Variants in SNTG1 observed in about 807,000 individuals in gnomAD.
The protein encoded by SNTG1 is gamma-1-syntrophin.
Under a neutral mutation model 74.7 loss-of-function variants are expected in SNTG1, and 39 were observed. The observed-to-expected ratio is 0.52, with a 90% CI of 0.40 to 0.68. SNTG1 has a LOEUF of 0.68. Among genes scored for constraint, SNTG1 ranks in the 30% least tolerant of loss-of-function variants. SNTG1 has a pLI of 0.00. For missense variants in SNTG1, 685 were observed against 609.5 expected (o/e 1.12, Z -1.30); for synonymous variants, 254 against 217.1 (o/e 1.17, Z -1.49).
intron 1 of SNTG1, among the ~76,000 whole-genome samples, chr8:50,086,188 G>A (rs1290837788): frequency 1.3e-5 from 2 of 152,198 alleles, no homozygotes; most frequent in Non-Finnish European, 2.9e-5. Flanking sequence ...ACAGAGAGCT[G>A]CATCTGATGT....
chr8:50,375,915 A>G (rs1367220257), intron 2 of SNTG1, among the ~76,000 whole-genome samples: 1 of 152,182 alleles, frequency 6.6e-6, no homozygotes, highest in Non-Finnish European at 1.5e-5. Flanking sequence ...TTTTTAGAGA[A>G]GTGACAAGAA....
At chr8:50,459,636 C>T (rs2093541901) in intron 8 of SNTG1, among the ~76,000 whole-genome samples, 1 of 152,160 alleles carries the variant, frequency 6.6e-6, no homozygotes, top group East Asian at 1.9e-4. Context: ...AGGTAGTGAG[C>T]ATATTACTCA....
intron 15 of SNTG1, among the ~76,000 whole-genome samples, chr8:50,680,864 C>G (rs1033310230): frequency 1.3e-5 from 2 of 152,082 alleles, no homozygotes; most frequent in African/African-American, 2.4e-5. Context: ...AGGTAAGCAG[C>G]CTTCCCATCT....
intron 13 of SNTG1, among the ~76,000 whole-genome samples, chr8:50,607,164 T>C (rs2130963005): frequency 6.6e-6 from 1 of 151,954 alleles, no homozygotes; most frequent in East Asian, 1.9e-4. Flanking sequence ...TTGGAAGTAT[T>C]ATTTAATTTT....
intron 18 of SNTG1, among the ~76,000 whole-genome samples, chr8:50,782,227 AT>A (rs2095661752): frequency 6.6e-6 from 1 of 151,962 alleles, no homozygotes; most frequent in South Asian, 2.1e-4. Context: ...TGTTCTCTGT[AT>A]TTCCTGAATC....
chr8:50,538,212 G>T (rs1477011341), intron 11 of SNTG1, among the ~76,000 whole-genome samples: 8 of 152,054 alleles, frequency 5.3e-5, no homozygotes, highest in Non-Finnish European at 1.2e-4. Flanking sequence ...TGTTTGTAAA[G>T]ATATTACCTT....
At chr8:49,918,065 C>T (rs753368806) in intron 1 of SNTG1, among the ~76,000 whole-genome samples, 3 of 152,114 alleles carry the variant, frequency 2.0e-5, no homozygotes, top group Admixed American at 6.6e-5. Context: ...TTAATAGAAA[C>T]CCTAAACTGA....
At chr8:50,342,770 T>A (rs1372816853) in intron 2 of SNTG1, among the ~76,000 whole-genome samples, 1 of 152,144 alleles carries the variant, frequency 6.6e-6, no homozygotes, top group Non-Finnish European at 1.5e-5. Flanking sequence ...CATAGTAGTA[T>A]TTATATAAAT....
chr8:50,667,495 G>C (rs535377124), intron 15 of SNTG1, among the ~76,000 whole-genome samples: 2 of 152,030 alleles, frequency 1.3e-5, no homozygotes, highest in Non-Finnish European at 2.9e-5. Context: ...ACAGAGGGAA[G>C]CATCACAAGG....
intron 1 of SNTG1, among the ~76,000 whole-genome samples, chr8:50,113,355 T>C (rs2080680483): frequency 6.6e-6 from 1 of 152,204 alleles, no homozygotes; most frequent in Non-Finnish European, 1.5e-5. Flanking sequence ...TTATTCTCTT[T>C]GAAGCAATTG....
chr8:49,970,353 C>T (rs1486410428), intron 1 of SNTG1, among the ~76,000 whole-genome samples: 1 of 152,100 alleles, frequency 6.6e-6, no homozygotes, highest in African/African-American at 2.4e-5. Context: ...ACATGTACTT[C>T]CTGTTGTAGT....
intron 13 of SNTG1, among the ~76,000 whole-genome samples, chr8:50,640,360 T>A (rs2095065033): frequency 6.6e-6 from 1 of 152,204 alleles, no homozygotes; most frequent in Non-Finnish European, 1.5e-5. Flanking sequence ...AGCTTGTTAA[T>A]CTACATTCTT....
chr8:50,722,161 TAC>T (rs1488365819), intron 17 of SNTG1, among the ~76,000 whole-genome samples: 1 of 139,780 alleles, frequency 7.2e-6, no homozygotes, highest in Non-Finnish European at 1.5e-5. Context: ...TATATATATA[TAC>T]GTATATGTGT....
chr8:50,210,700 T>C (rs891686092), intron 2 of SNTG1, among the ~76,000 whole-genome samples: 5 of 152,208 alleles, frequency 3.3e-5, no homozygotes, highest in African/African-American at 1.2e-4. Context: ...AATCCCCTCC[T>C]CATTGGTACA....
At chr8:50,046,790 G>A (rs1051570717) in intron 1 of SNTG1, among the ~76,000 whole-genome samples, 4 of 152,080 alleles carry the variant, frequency 2.6e-5, no homozygotes. Flanking sequence ...ATTTTCCCAG[G>A]TATCTGATTT....
At chr8:50,207,709 A>G (rs2084315985) in intron 2 of SNTG1, among the ~76,000 whole-genome samples, 1 of 152,158 alleles carries the variant, frequency 6.6e-6, no homozygotes. Flanking sequence ...ATTTAGTGCT[A>G]TACATTTCCC....
At chr8:50,096,878 T>C (rs2079948165) in intron 1 of SNTG1, among the ~76,000 whole-genome samples, 1 of 152,100 alleles carries the variant, frequency 6.6e-6, no homozygotes, top group Admixed American at 6.6e-5. Context: ...TGGATCTGAG[T>C]ATGAAAAAAA....
At chr8:50,509,289 T>C (rs1475194059) in intron 9 of SNTG1, among the ~76,000 whole-genome samples, 1 of 152,212 alleles carries the variant, frequency 6.6e-6, no homozygotes, top group Non-Finnish European at 1.5e-5. Context: ...TATCTCTGTT[T>C]TGGTACCAGT....
chr8:50,408,811 C>T (rs915033495), intron 4 of SNTG1, among the ~76,000 whole-genome samples: 1 of 152,134 alleles, frequency 6.6e-6, no homozygotes, highest in African/African-American at 2.4e-5. Flanking sequence ...GTTGCAGAAA[C>T]AAGAATTGAG....
Sources: allele counts gnomAD v4.1 joint callset (sites outside exome capture counted in the v4.1 genomes callset), GRCh38; gene constraint gnomAD v4.1.1; transcripts MANE v1.5; gene names NCBI Gene and HGNC (gene_info 2026-07-23, HGNC 2026-07-21).